Variants in TMEM248 observed in about 807,000 individuals in gnomAD.
The protein encoded by TMEM248 is UPF0458 protein C7orf42.
Under a neutral mutation model 30.3 loss-of-function variants are expected in TMEM248, and 9 were observed. The observed-to-expected ratio is 0.30, with a 90% confidence interval of 0.18 to 0.52. The LOEUF (loss-of-function observed/expected upper bound fraction) is 0.52, where lower values mean the gene tolerates loss of function less well. TMEM248 is among the 20% of genes least tolerant of loss of function. The pLI, the probability that TMEM248 is intolerant of heterozygous loss-of-function variation, is 0.97. For missense variants in TMEM248, 338 were observed against 403.3 expected (o/e 0.84, Z 1.39); for synonymous variants, 184 against 154.4 (o/e 1.19, Z -1.42).
At chr7:66,929,529 C>T (rs1294110817) in intron 1 of TMEM248, among the ~76,000 whole-genome samples, 8 of 150,430 alleles carry the variant, frequency 5.3e-5, no homozygotes, top group African/African-American at 1.5e-4. Context: ...CTCCGCCTCC[C>T]GGGTTCAAGC....
intron 5 of TMEM248, 99 bp downstream of exon 5, chr7:66,951,234 G>T: frequency 8.5e-7 from 1 of 1,173,226 alleles, no homozygotes. Context: ...TGACTTCCCT[G>T]GGTAAGCGTA....
At chr7:66,932,630 C>T (rs2129221815) in intron 1 of TMEM248, among the ~76,000 whole-genome samples, 1 of 150,572 alleles carries the variant, frequency 6.6e-6, no homozygotes, top group East Asian at 2.0e-4. Flanking sequence ...ATTCTCCTGT[C>T]TCAGCCTCCC....
chr7:66,931,583 C>T (rs1487287166), intron 1 of TMEM248, among the ~76,000 whole-genome samples: 2 of 151,266 alleles, frequency 1.3e-5, no homozygotes, highest in African/African-American at 2.4e-5. Flanking sequence ...CCAGTCCTCC[C>T]ACCTCAGACT....
rs773753386 is a variant in TMEM248 at position 66,953,256 on chromosome 7, A to T, written c.811A>T (p.Met271Leu). Residue 271 changes from methionine to leucine, a missense_variant, in exon 6 of 7, where the codon ATG (methionine) becomes TTG (leucine). Transcript: ENST00000341567. ...CCGTTCATTAATAAATTTGCATCTC[A>T]TGCACACCAGTTACTTCCTCTTTGT... is the stretch of plus-strand genomic sequence containing the variant. ...DDRSLINLHL[M>L]HTSYFLFVMV... The T allele has an allele frequency of 3.1e-6, 5 of 1,613,810 alleles. No individual in the cohort carries two copies. In the Admixed American group the frequency reaches 8.3e-5, roughly 27 times the overall value.
chr7:66,929,758 AG>A (rs1791618993), intron 1 of TMEM248, among the ~76,000 whole-genome samples: 1 of 152,116 alleles, frequency 6.6e-6, no homozygotes, highest in Non-Finnish European at 1.5e-5. Context: ...CTGAGGGTGC[AG>A]GGAGGCAGTG....
intron 3 of TMEM248, among the ~76,000 whole-genome samples, chr7:66,947,058 TAAAA>T (rs1189096634): frequency 6.6e-6 from 1 of 151,136 alleles, no homozygotes; most frequent in Admixed American, 6.6e-5. Flanking sequence ...ATGAAAAAAT[TAAAA>T]AAATTAACCA....
Position 66,945,724 on chromosome 7 carries a change from G to C in TMEM248, c.445+463G>C, listed in dbSNP as rs529194052. Among the ~76,000 whole-genome samples the C allele has an allele frequency of 1.3e-4, 20 of 152,324 alleles. No individual in the cohort carries two copies. In the East Asian group the frequency reaches 3.9e-3, roughly 29 times the overall value. ...CCAGCACTTTGGGAGGCCGAGGTGGGTGGATTGCCTGAGCTCGGGAGTTTG... is the reference window on the plus strand; with the variant it reads ...CCAGCACTTTGGGAGGCCGAGGTGGCTGGATTGCCTGAGCTCGGGAGTTTG... On this transcript the variant is annotated intron_variant, in intron 3 of 6. Coordinates refer to ENST00000341567, the MANE Select transcript of TMEM248 (RefSeq NM_017994.5).
chr7:66,927,982 A>G lies in TMEM248; in HGVS notation c.-19+6521A>G, dbSNP rs188289169. The stretch of plus-strand genomic sequence containing the variant: ...GTAATCCCAGCACTTTGGGAAGCCA[A>G]GGCAGGTGGATCACCTGAGGTCAGG... On this transcript the variant is annotated intron_variant, in intron 1 of 6. Transcript: ENST00000341567. Among the ~76,000 whole-genome samples, 32 of 152,318 alleles carry G rather than the reference A, an allele frequency of 2.1e-4. No homozygotes were observed. The East Asian group carries it at 5.8e-3, about 28-fold the overall frequency.
chr7:66,951,840 T>C (rs372938911), intron 5 of TMEM248, among the ~76,000 whole-genome samples: 19 of 152,120 alleles, frequency 1.2e-4, no homozygotes, highest in Middle Eastern at 3.4e-3. Flanking sequence ...TTTAAACTTT[T>C]TGTAGAGACG....
chr7:66,926,392 G>A (rs1179114572), intron 1 of TMEM248, among the ~76,000 whole-genome samples: 1 of 152,236 alleles, frequency 6.6e-6, no homozygotes, highest in Admixed American at 6.5e-5. Context: ...GGCCAAGGCT[G>A]GTGGATTGCT....
rs1792419846 is a variant in TMEM248, at chr7:66,956,931, T to A, written c.*1409T>A. Reference sequence around the variant, plus strand: ...TTCAAATGATCCTCTCACCTCGGCCTCCCAAAATCCTGGGATTCCAGGCGT... The same window carrying A: ...TTCAAATGATCCTCTCACCTCGGCCACCCAAAATCCTGGGATTCCAGGCGT... On this transcript the variant is annotated 3_prime_UTR_variant, in exon 7 of 7. Transcript: ENST00000341567. 6.6e-6 allele frequency: 1 copy of A among 152,488 alleles called. No homozygotes were observed. Among genetic ancestry groups the A allele is most frequent in the Admixed American group, 6.5e-5 (1 of 15,272 alleles). 9.4% of individuals were successfully genotyped at this position (152,488 alleles called of 1,614,324 possible).
intron 1 of TMEM248, among the ~76,000 whole-genome samples, chr7:66,933,353 A>G (rs1584400630): frequency 6.6e-6 from 1 of 152,222 alleles, no homozygotes; most frequent in Non-Finnish European, 1.5e-5. Context: ...TTTGATAGGT[A>G]CAATACTGGG....
intron 4 of TMEM248, among the ~76,000 whole-genome samples, chr7:66,949,064 G>T (rs1441578377): frequency 6.6e-6 from 1 of 151,858 alleles, no homozygotes. Flanking sequence ...ACTGTGGAAG[G>T]CTGAGGTGGG....
chr7:66,932,676 G>C (rs572758268), intron 1 of TMEM248, among the ~76,000 whole-genome samples: 2 of 151,000 alleles, frequency 1.3e-5, no homozygotes, highest in African/African-American at 4.9e-5. Context: ...TGCCACTCCC[G>C]GCTAATTTGT....
intron 1 of TMEM248, among the ~76,000 whole-genome samples, chr7:66,924,812 C>T (rs536870892): frequency 2.6e-5 from 4 of 152,088 alleles, no homozygotes; most frequent in East Asian, 1.9e-4. Flanking sequence ...CAGTTTCAAA[C>T]GATTCTTCTG....
intron 1 of TMEM248, among the ~76,000 whole-genome samples, chr7:66,938,696 C>A (rs549808114): frequency 6.6e-6 from 1 of 152,092 alleles, no homozygotes; most frequent in Non-Finnish European, 1.5e-5. Flanking sequence ...TTCATAGAGA[C>A]GGGGTTTCAC....
intron 6 of TMEM248, among the ~76,000 whole-genome samples, chr7:66,953,939 C>CTTT (rs34925648): frequency 1.2e-3 from 103 of 83,976 alleles, no homozygotes; most frequent in African/African-American, 2.4e-3. Context: ...AGATTACTTT[C>CTTT]TTTTTTTTTT....
intron 1 of TMEM248, among the ~76,000 whole-genome samples, chr7:66,924,764 G>A (rs996946551): frequency 2.0e-5 from 3 of 151,684 alleles, no homozygotes; most frequent in Non-Finnish European, 4.4e-5. Flanking sequence ...GGGCTGGAGT[G>A]TAGTGGCATG....
intron 6 of TMEM248, among the ~76,000 whole-genome samples, chr7:66,955,225 T>C (rs998852556): frequency 2.0e-5 from 3 of 152,208 alleles, no homozygotes; most frequent in African/African-American, 7.2e-5. Context: ...ATTGCACCAC[T>C]GCACTCCAGC....
Sources: gnomAD v4.1 joint callset for allele counts (sites outside exome capture counted in the v4.1 genomes callset) on GRCh38, gnomAD v4.1.1 for gene constraint, MANE v1.5 for transcripts, NCBI Gene and HGNC (gene_info 2026-07-23, HGNC 2026-07-21) for gene names.